Variants in GALNT18 observed in about 807,000 individuals in gnomAD.
GALNT18 encodes the protein GalNAc-transferase 18.
A neutral mutation model predicts 69.5 loss-of-function variants in GALNT18; 44 were observed. The ratio of observed to expected loss-of-function variants is 0.63; its 90% CI spans 0.50 to 0.81. The LOEUF (loss-of-function observed/expected upper bound fraction) is 0.81. GALNT18 is among the 40% of genes least tolerant of loss of function. GALNT18 has a pLI of 0.00. For missense variants in GALNT18, 715 were observed against 810.0 expected, an observed-to-expected ratio of 0.88 and a Z score of 1.42; for synonymous variants, 364 against 318.2, an observed-to-expected ratio of 1.14 and a Z score of -1.53.
chr11:11,427,852 AC>A (rs1283164138), intron 3 of GALNT18, among the ~76,000 whole-genome samples: 2 of 152,032 alleles, frequency 1.3e-5, no homozygotes, highest in African/African-American at 4.8e-5. Context: ...CGATTCCCCC[AC>A]CTCATCCCCA....
At position 11,331,888 on chromosome 11, in the gene GALNT18, G is replaced by A. The variant is rs116719705; in HGVS notation, c.1416+806C>T. 4.9e-3 allele frequency among the ~76,000 whole-genome samples: 744 copies of A among 152,186 alleles called. 5 individuals carry two copies. The highest frequency in any genetic ancestry group is 0.017 in the African/African-American group (717 of 41,520). ...AAAATACCATTTAAAATACCTTACG[G>A]CATTTGACCTGTACGGTCCAGGGAA... On this transcript the variant is annotated intron_variant, in intron 8 of 10. Coordinates refer to ENST00000227756, the MANE Select transcript of GALNT18 (RefSeq NM_198516.3).
At chr11:11,560,160 GTAT>G (rs376892874) in intron 1 of GALNT18, among the ~76,000 whole-genome samples, 15 of 1,260 alleles carry the variant, frequency 0.012, no homozygotes, top group African/African-American at 0.043. Flanking sequence ...ATGATGGGAT[GTAT>G]GGGATGGGAT....
chr11:11,313,369 C>T (rs150149985), intron 9 of GALNT18, among the ~76,000 whole-genome samples: 1,578 of 152,306 alleles, frequency 0.01, 12 homozygotes, highest in Non-Finnish European at 0.017. Context: ...CCAACCATAT[C>T]TTAGAAACCT....
At chr11:11,350,305 CTG>C (rs1202646125) in intron 6 of GALNT18, among the ~76,000 whole-genome samples, 1 of 152,206 alleles carries the variant, frequency 6.6e-6, no homozygotes, top group Non-Finnish European at 1.5e-5. Flanking sequence ...CCTATAATGA[CTG>C]GGCCACAGGA....
chr11:11,579,678 A>G (rs995665031), intron 1 of GALNT18, among the ~76,000 whole-genome samples: 1 of 152,192 alleles, frequency 6.6e-6, no homozygotes, highest in Non-Finnish European at 1.5e-5. Flanking sequence ...GGTACGATTA[A>G]GATTAATTGA....
rs994450685 is a variant in GALNT18 at position 11,341,913 on chromosome 11, G to C, written c.1093-909C>G. On this transcript the variant is annotated intron_variant, in intron 6 of 10. Coordinates refer to ENST00000227756, the MANE Select transcript of GALNT18 (RefSeq NM_198516.3). This position sits in a 1 kb window ranked among gnomAD's most constrained non-coding sequence, Gnocchi z 6.3. Reference sequence around the variant, plus strand: ...AAGGTGGGAGAATCGCTTGAGCCCAGGAGTGTGAGACAAGCCTGGGCAACA... The same window carrying C: ...AAGGTGGGAGAATCGCTTGAGCCCACGAGTGTGAGACAAGCCTGGGCAACA... Among the ~76,000 whole-genome samples, 4 of 152,138 alleles carry C rather than the reference G, an allele frequency of 2.6e-5. No homozygotes were observed. The highest frequency in any genetic ancestry group is 9.7e-5 in the African/African-American group (4 of 41,426).
At position 11,480,020 on chromosome 11, in the gene GALNT18, G is replaced by A. The variant is rs1230353724; in HGVS notation, c.236-31084C>T. Among the ~76,000 whole-genome samples, 2 of 152,146 alleles carry A rather than the reference G, an allele frequency of 1.3e-5. No homozygotes were observed. Among genetic ancestry groups the A allele is most frequent in the East Asian group, 1.9e-4 (1 of 5,190 alleles). ...AGGCTGCTACCCCAAGCCCCACCAG[G>A]AGGCTAGAGAAGAGAGATGGGAGAG... On this transcript the variant is annotated intron_variant, in intron 1 of 10. Transcript: ENST00000227756. This position sits in a 1 kb window ranked among gnomAD's most constrained non-coding sequence, Gnocchi z 4.6.
At chr11:11,418,722 G>T (rs1432027855) in intron 3 of GALNT18, among the ~76,000 whole-genome samples, 1 of 152,212 alleles carries the variant, frequency 6.6e-6, no homozygotes, top group Admixed American at 6.5e-5. Flanking sequence ...GAGCGTGATG[G>T]CTGACACTTG....
At position 11,461,306 on chromosome 11, in the gene GALNT18, C is replaced by A. The variant is rs533279463; in HGVS notation, c.236-12370G>T. On this transcript the variant is annotated intron_variant, in intron 1 of 10. Coordinates refer to ENST00000227756, the MANE Select transcript of GALNT18 (RefSeq NM_198516.3). The surrounding 1 kb of genome is among the most constrained non-coding windows in gnomAD (Gnocchi z 4.1). ...CAGCAGGGCTCAGCATGTGCACACA[C>A]ACTCACAGAAGTGGAAATAGCCTTG... is the stretch of plus-strand genomic sequence containing the variant. Among the ~76,000 whole-genome samples, 5 of 152,280 alleles carry A rather than the reference C, an allele frequency of 3.3e-5. 1 individual carries two copies. Among genetic ancestry groups the A allele is most frequent in the African/African-American group, 1.2e-4 (5 of 41,556 alleles).
rs1565028389 is a variant in GALNT18, at chr11:11,586,815, A to AC, written c.235+34543_235+34544insG. Among the ~76,000 whole-genome samples the AC allele has an allele frequency of 1.9e-4, 14 of 72,694 alleles. No homozygotes were observed. The highest frequency in any genetic ancestry group is 5.5e-4 in the African/African-American group (14 of 25,540). 47.7% of individuals were successfully genotyped at this position (72,694 alleles called of 152,430 possible). On this transcript the variant is annotated intron_variant, in intron 1 of 10. Transcript: ENST00000227756. The surrounding 1 kb of genome is among the most constrained non-coding windows in gnomAD (Gnocchi z 4.1). Reference sequence around the variant, plus strand: ...ATGGTTAAACACCATCTCTACTAAAAACACACACACACACACACAAAAAAA... The same window carrying AC: ...ATGGTTAAACACCATCTCTACTAAAACACACACACACACACACACAAAAAAA...
intron 2 of GALNT18, among the ~76,000 whole-genome samples, chr11:11,445,633 G>A (rs1031761621): frequency 1.3e-5 from 2 of 152,228 alleles, no homozygotes; most frequent in African/African-American, 4.8e-5. Flanking sequence ...AGCTGAAATA[G>A]AGCTAGACGG....
rs1858835162 is a variant in GALNT18, at chr11:11,573,276, T to A, written c.235+48083A>T. ...CAGCTTTCAATACTGAAGATGGAGCTCTCTGTCCCCGGGTGGGGCCGCAGC... is the reference window on the plus strand; with the variant it reads ...CAGCTTTCAATACTGAAGATGGAGCACTCTGTCCCCGGGTGGGGCCGCAGC... On this transcript the variant is annotated intron_variant, in intron 1 of 10. Transcript: ENST00000227756. The surrounding 1 kb of genome is among the most constrained non-coding windows in gnomAD (Gnocchi z 4.6). 6.6e-6 allele frequency among the ~76,000 whole-genome samples: 1 copy of A among 152,186 alleles called. No individual in the cohort carries two copies. The highest frequency in any genetic ancestry group is 2.4e-5 in the African/African-American group (1 of 41,446).
At chr11:11,509,188 A>C (rs1857123988) in intron 1 of GALNT18, among the ~76,000 whole-genome samples, 1 of 152,058 alleles carries the variant, frequency 6.6e-6, no homozygotes, top group African/African-American at 2.4e-5. Flanking sequence ...TCCTTTTCTG[A>C]CTTCTCTTAA....
At position 11,293,166 on chromosome 11, in the gene GALNT18, T is replaced by C. The variant is rs1849334395; in HGVS notation, c.1540A>G (p.Ile514Val). The stretch of plus-strand genomic sequence containing the variant: ...GTGGGGCTCAGAATGCCCACATGGA[T>C]CTGCTGACTGCTCGTGTAGTACACG... ...QNVYYTSSQQ[I>V]HVGILSPTVD... Residue 514 changes from isoleucine to valine, a missense_variant, in exon 10 of 11, where the codon ATC becomes GTC. Coordinates refer to ENST00000227756, the MANE Select transcript of GALNT18 (RefSeq NM_198516.3). 3 of 1,342,636 alleles carry C rather than the reference T, an allele frequency of 2.2e-6. No individual in the cohort carries two copies. In the East Asian group the frequency reaches 8.4e-5, roughly 37 times the overall value. The allele number at this position is 1,342,636 out of a possible 1,614,324, so 83.2% of individuals were successfully genotyped here. A position where few individuals can be genotyped will look rare whatever the true frequency, so the allele number is the denominator to read the frequency against.
At chr11:11,483,608 C>T (rs1180155736) in intron 1 of GALNT18, among the ~76,000 whole-genome samples, 5 of 152,164 alleles carry the variant, frequency 3.3e-5, no homozygotes, top group Non-Finnish European at 5.9e-5. Context: ...CTTCTGGGAG[C>T]TAAGGCCTGA....
intron 10 of GALNT18, among the ~76,000 whole-genome samples, chr11:11,291,706 C>A (rs879775138): frequency 1.3e-5 from 2 of 152,308 alleles, no homozygotes; most frequent in Non-Finnish European, 2.9e-5. Flanking sequence ...TCCTGGGCTC[C>A]TCTCCACCAT....
Position 11,562,730 on chromosome 11 carries a change from G to A in GALNT18, c.235+58629C>T, listed in dbSNP as rs1329608887. 2.0e-5 allele frequency among the ~76,000 whole-genome samples: 3 copies of A among 152,160 alleles called. No homozygotes were observed. The highest frequency in any genetic ancestry group is 2.9e-5 in the Non-Finnish European group (2 of 68,028). On this transcript the variant is annotated intron_variant, in intron 1 of 10. Coordinates refer to ENST00000227756, the MANE Select transcript of GALNT18 (RefSeq NM_198516.3). The surrounding 1 kb of genome is among the most constrained non-coding windows in gnomAD (Gnocchi z 4.1). ...TCCGTAGGGAGAAAGGCTCAACCAC[G>A]CATTAAGTTCCTCCAAACACAAAGT... is the stretch of plus-strand genomic sequence containing the variant.
At chr11:11,490,508 A>G (rs1231520528) in intron 1 of GALNT18, among the ~76,000 whole-genome samples, 1 of 152,246 alleles carries the variant, frequency 6.6e-6, no homozygotes, top group Non-Finnish European at 1.5e-5. Context: ...CACATGTATA[A>G]TAACAGTATA....
Position 11,465,203 on chromosome 11 carries a change from G to C in GALNT18, c.236-16267C>G, listed in dbSNP as rs1157485458. 6.6e-6 allele frequency among the ~76,000 whole-genome samples: 1 copy of C among 152,162 alleles called. No individual in the cohort carries two copies. The highest frequency in any genetic ancestry group is 1.5e-5 in the Non-Finnish European group (1 of 68,044). On this transcript the variant is annotated intron_variant, in intron 1 of 10. Transcript: ENST00000227756. This position sits in a 1 kb window ranked among gnomAD's most constrained non-coding sequence, Gnocchi z 5.7. ...AGATCCTCAGCCCCATTCCTGCTGA[G>C]GTCAGGGGAGGAAGGGATGTCAAGG...
Sources: gnomAD v4.1 joint callset for allele counts (sites outside exome capture counted in the v4.1 genomes callset) on GRCh38, gnomAD v4.1.1 for gene constraint, Gnocchi (gnomAD v3.1) non-coding constraint, MANE v1.5 for transcripts, NCBI Gene and HGNC (gene_info 2026-07-23, HGNC 2026-07-21) for gene names.